PYHIN1: variants seen among roughly 807,000 people sequenced by gnomAD.
PYHIN1 encodes the protein pyrin and HIN domain family member 1.
A neutral mutation model predicts 43.7 loss-of-function variants in PYHIN1; 32 were observed. That is an observed-to-expected ratio of 0.73 (90% confidence interval 0.55 to 0.98). The LOEUF (loss-of-function observed/expected upper bound fraction) is 0.98, where lower values mean the gene tolerates loss of function less well. Ranked by LOEUF, PYHIN1 falls within the 50% of genes least tolerant of loss-of-function variation. The pLI, the probability that PYHIN1 is intolerant of heterozygous loss-of-function variation, is 0.00. For synonymous variants in PYHIN1, 205 were observed against 203.1 expected, an observed-to-expected ratio of 1.01 and a Z score of -0.08; for missense variants, 588 against 589.5, an observed-to-expected ratio of 1.00 and a Z score of 0.03.
chr1:158,946,158 T>A (rs1281857238), intron 7 of PYHIN1, among the ~76,000 whole-genome samples: 1 of 152,190 alleles, frequency 6.6e-6, no homozygotes, highest in Non-Finnish European at 1.5e-5. Flanking sequence ...TTCTCAAAAA[T>A]AATGAGGTAC....
In PYHIN1 at chr1:158,950,378, G is replaced by A. The variant is rs114772077; in HGVS notation, c.1359+5336G>A. ...GTAATGTCCGGGGCTTGTGTCATCCGAGGAAGCCACATTGTCCAGGGCTGC... is the reference window on the plus strand; with the variant it reads ...GTAATGTCCGGGGCTTGTGTCATCCAAGGAAGCCACATTGTCCAGGGCTGC... On this transcript the variant is annotated intron_variant, in intron 7 of 8. Transcript: ENST00000368140. Among the ~76,000 whole-genome samples the A allele has an allele frequency of 5.0e-3, 756 of 152,228 alleles. 5 individuals are homozygous for A. The highest frequency in any genetic ancestry group is 0.017 in the African/African-American group (713 of 41,520).
intron 7 of PYHIN1, among the ~76,000 whole-genome samples, chr1:158,971,499 G>T (rs999921769): frequency 4.6e-5 from 7 of 151,856 alleles, no homozygotes; most frequent in Non-Finnish European, 8.8e-5. Flanking sequence ...TTGCTGTTGG[G>T]AATCCTGAAG....
chr1:158,956,108 T>A (rs1357614326), intron 7 of PYHIN1, among the ~76,000 whole-genome samples: 1 of 141,884 alleles, frequency 7.0e-6, no homozygotes, highest in African/African-American at 2.6e-5. Flanking sequence ...GTGGCAATAA[T>A]CAATAGTTCA....
intron 6 of PYHIN1, 73 bp from the exon 7 acceptor site, chr1:158,944,802 T>C (rs1266562207): frequency 8.8e-7 from 1 of 1,134,538 alleles, no homozygotes; most frequent in Non-Finnish European, 1.2e-6. Flanking sequence ...AAGGATGATA[T>C]TCTCACATAT....
intron 7 of PYHIN1, among the ~76,000 whole-genome samples, chr1:158,958,011 AT>A (rs1331071444): frequency 2.6e-5 from 4 of 152,260 alleles, no homozygotes; most frequent in Admixed American, 2.0e-4. Context: ...AAAAATGCTC[AT>A]CATCACTGGC....
chr1:158,959,933 G>T (rs1373518681), intron 7 of PYHIN1, among the ~76,000 whole-genome samples: 1 of 152,184 alleles, frequency 6.6e-6, no homozygotes, highest in African/African-American at 2.4e-5. Context: ...TCAGGGTTCA[G>T]AAGCCTGTAT....
intron 8 of PYHIN1, among the ~76,000 whole-genome samples, chr1:158,975,092 C>T (rs1651175692): frequency 6.6e-6 from 1 of 152,002 alleles, no homozygotes; most frequent in African/African-American, 2.4e-5. Context: ...TCTCCTACAC[C>T]TAACCTCCCA....
At chr1:158,950,746 G>C (rs1011329481) in intron 7 of PYHIN1, among the ~76,000 whole-genome samples, 2 of 152,120 alleles carry the variant, frequency 1.3e-5, no homozygotes, top group African/African-American at 4.8e-5. Flanking sequence ...TCTGTTTCTT[G>C]AGCATATTTT....
At chr1:158,977,717 C>G (rs1651343760), downstream of PYHIN1, among the ~76,000 whole-genome samples, 1 of 152,088 alleles carries the variant, frequency 6.6e-6, no homozygotes, top group Non-Finnish European at 1.5e-5. Context: ...AGAAGGTTGA[C>G]AGTTTTCTCC....
intron 7 of PYHIN1, among the ~76,000 whole-genome samples, chr1:158,959,286 G>A (rs976803636): frequency 7.9e-5 from 12 of 152,166 alleles, no homozygotes; most frequent in African/African-American, 2.9e-4. Context: ...AAGAGTAGCA[G>A]CCACAGCCTC....
chr1:158,953,197 G>A (rs540241499), intron 7 of PYHIN1, among the ~76,000 whole-genome samples: 37 of 18,214 alleles, frequency 2.0e-3, no homozygotes, highest in African/African-American at 2.2e-3. Flanking sequence ...CATTGCCCAG[G>A]CTTATTAGGT....
At chr1:158,968,942 G>A (rs1241521219) in intron 7 of PYHIN1, among the ~76,000 whole-genome samples, 2 of 151,924 alleles carry the variant, frequency 1.3e-5, no homozygotes, top group Admixed American at 6.6e-5. Context: ...AATTCTTAGT[G>A]GGTATCAAGC....
intron 7 of PYHIN1, among the ~76,000 whole-genome samples, chr1:158,958,398 C>G (rs1445694207): frequency 7.1e-6 from 1 of 140,090 alleles, no homozygotes; most frequent in East Asian, 2.1e-4. Context: ...AAATGTGGCA[C>G]ATATACACCA....
chr1:158,958,775 A>AG (rs1206021298), intron 7 of PYHIN1, among the ~76,000 whole-genome samples: 1 of 136,236 alleles, frequency 7.3e-6, no homozygotes, highest in East Asian at 2.2e-4. Flanking sequence ...AGAAAAGAAA[A>AG]AAAATAAATT....
intron 7 of PYHIN1, among the ~76,000 whole-genome samples, chr1:158,961,556 T>A (rs997846191): frequency 6.6e-6 from 1 of 151,000 alleles, no homozygotes; most frequent in African/African-American, 2.4e-5. Context: ...CCATGGAGAA[T>A]AGAGAAGAGT....
chr1:158,967,559 C>A (rs1354099149), intron 7 of PYHIN1, among the ~76,000 whole-genome samples: 1 of 152,024 alleles, frequency 6.6e-6, no homozygotes, highest in Non-Finnish European at 1.5e-5. Context: ...TATCAAACTA[C>A]CAATGACATT....
intron 7 of PYHIN1, among the ~76,000 whole-genome samples, chr1:158,964,541 C>A (rs1650512514): frequency 6.6e-6 from 1 of 152,168 alleles, no homozygotes; most frequent in African/African-American, 2.4e-5. Flanking sequence ...GCAGAACTTT[C>A]AACAGGAGCC....
At chr1:158,941,314 C>G (rs76753611) in intron 4 of PYHIN1, among the ~76,000 whole-genome samples, 2,763 of 152,270 alleles carry the variant, frequency 0.018, 39 homozygotes, top group South Asian at 0.08. Flanking sequence ...CTGATCCTTG[C>G]TTTTCTGTCA....
intron 7 of PYHIN1, among the ~76,000 whole-genome samples, chr1:158,948,270 T>C (rs1445926615): frequency 6.6e-6 from 1 of 152,182 alleles, no homozygotes; most frequent in Non-Finnish European, 1.5e-5. Flanking sequence ...GAGATAATCT[T>C]GCACACCCTT....
Sources: allele counts gnomAD v4.1 joint callset (sites outside exome capture counted in the v4.1 genomes callset), GRCh38; gene constraint gnomAD v4.1.1; transcripts MANE v1.5; gene names NCBI Gene and HGNC (gene_info 2026-07-23, HGNC 2026-07-21).